Variants in ARHGAP23 observed in about 807,000 individuals in gnomAD.
The protein encoded by ARHGAP23 is rho GTPase-activating protein 23.
ARHGAP23 carries 34 observed loss-of-function variants against 136.3 expected under a neutral mutation model. That is an observed-to-expected ratio of 0.25 (90% CI 0.19 to 0.33). The LOEUF is 0.33. ARHGAP23 is among the 10% of genes least tolerant of loss of function. ARHGAP23 has a pLI of 1.00. For missense variants in ARHGAP23, 1,808 were observed against 2,139.0 expected (o/e 0.85, Z 3.05); for synonymous variants, 832 against 920.5 (o/e 0.90, Z 1.74).
In ARHGAP23 at chr17:38,482,134, G is replaced by A. The variant is rs1326026631; in HGVS notation, c.2742G>A (p.Thr914=). The change falls in exon 15 of 24, where the codon ACG becomes ACA. Residue 914 remains threonine, a synonymous_variant. Transcript: ENST00000622683. ...GVRLEECQPA[T]ENQRVPLIVA... ...GGCTGGAGGAGTGCCAGCCAGCCAC[G>A]GAGAACCAGGTGAGTCTCTGCCACA... 9.0e-6 allele frequency: 14 copies of A among 1,548,234 alleles called. No homozygotes were observed. Among genetic ancestry groups the A allele is most frequent in the South Asian group, 1.2e-5 (1 of 83,690 alleles).
At position 38,467,184 on chromosome 17, in the gene ARHGAP23, G is replaced by T. The variant is rs562257674; in HGVS notation, c.1501G>T (p.Val501Phe). Reference protein sequence around the residue: ...LRQKPPTGRKVQLTPARQMNL... With the variant: ...LRQKPPTGRKFQLTPARQMNL... ...GCAGAAGCCCCCGACGGGCCGCAAGGTTCAGCTGACCCCCGCAAGACAGAT... is the reference window on the plus strand; with the variant it reads ...GCAGAAGCCCCCGACGGGCCGCAAGTTTCAGCTGACCCCCGCAAGACAGAT... Residue 501 changes from valine (V) to phenylalanine (F), a missense_variant, in exon 7 of 24, where the codon GTT becomes TTT. Physicochemically the swap from Val to Phe is conservative, Grantham distance 50. Transcript: ENST00000622683. The T allele has an allele frequency of 6.6e-5, 103 of 1,550,422 alleles. No individual in the cohort carries two copies. Among genetic ancestry groups the T allele is most frequent in the African/African-American group, 1.6e-4 (12 of 73,066 alleles).
At chr17:38,495,383 C>T (rs1245115892) in intron 20 of ARHGAP23, among the ~76,000 whole-genome samples, 1 of 152,078 alleles carries the variant, frequency 6.6e-6, no homozygotes, top group Non-Finnish European at 1.5e-5. Flanking sequence ...TGGGTGCATG[C>T]CACCATGCCG....
At chr17:38,479,610 A>G in intron 13 of ARHGAP23, 113 bp downstream of exon 13, 2 of 1,424,034 alleles carry the variant, frequency 1.4e-6, no homozygotes, top group East Asian at 2.5e-5. Flanking sequence ...GGGAAGGGGT[A>G]TCCAGGGTCT....
upstream of ARHGAP23, among the ~76,000 whole-genome samples, chr17:38,428,189 C>G (rs555532910): frequency 8.5e-5 from 13 of 152,300 alleles, no homozygotes; most frequent in Admixed American, 1.3e-4. Context: ...CCTTAGAGGC[C>G]GGGCAAGCGT....
intron 21 of ARHGAP23, 80 bp downstream of exon 21, chr17:38,497,906 G>A (rs2040428978): frequency 7.0e-7 from 1 of 1,437,812 alleles, no homozygotes; most frequent in Non-Finnish European, 9.6e-7. Flanking sequence ...GCAGGCAGCG[G>A]GACTTAAGCC....
chr17:38,489,939 G>A (rs1464849835), intron 17 of ARHGAP23, 163 bp from the exon 18 acceptor site: 3 of 662,908 alleles, frequency 4.5e-6, no homozygotes, highest in African/African-American at 3.6e-5. Flanking sequence ...TGTGGTGAGT[G>A]CAGCTGTGGT....
chr17:38,479,014 G>A (rs2039967556), intron 12 of ARHGAP23, among the ~76,000 whole-genome samples: 1 of 152,210 alleles, frequency 6.6e-6, no homozygotes, highest in African/African-American at 2.4e-5. Flanking sequence ...GAAGGCACCT[G>A]GAATTTGGGC....
intron 1 of ARHGAP23, among the ~76,000 whole-genome samples, chr17:38,430,622 A>G (rs1230266086): frequency 6.6e-6 from 1 of 152,202 alleles, no homozygotes; most frequent in Non-Finnish European, 1.5e-5. Context: ...GGAAGAAGTT[A>G]CAGTGTGAGG....
At chr17:38,438,491 G>C (rs2038853459) in intron 1 of ARHGAP23, among the ~76,000 whole-genome samples, 1 of 152,076 alleles carries the variant, frequency 6.6e-6, no homozygotes, top group Non-Finnish European at 1.5e-5. Context: ...AGAGGGAGGA[G>C]GTCAGGTTGG....
upstream of ARHGAP23, among the ~76,000 whole-genome samples, chr17:38,427,018 G>A (rs1404826713): frequency 2.2e-4 from 34 of 152,222 alleles, no homozygotes; most frequent in Non-Finnish European, 2.9e-5. Flanking sequence ...TTTATCCTCC[G>A]CCTTCTTTTC....
In ARHGAP23 at chr17:38,466,429, A is replaced by C; in HGVS notation, c.746A>C (p.Gln249Pro). ...HLDNSSLGMS[Q>P]PRPSPGAFPH... ...GACAACTCTTCCTTGGGGATGAGCC[A>C]GCCCCGCCCCAGCCCTGGTGCCTTC... The change falls in exon 7 of 24, where the codon CAG (glutamine) becomes CCG (proline). Residue 249 changes from glutamine (Q) to proline (P), a missense_variant. By Grantham distance (76) the Gln-to-Pro change is moderately conservative. This residue lies in a region of ARHGAP23 where 859 missense variants were observed against 936.4 expected (regional missense o/e 0.92). Transcript: ENST00000622683. The C allele has an allele frequency of 6.5e-7, 1 of 1,527,242 alleles. No individual in the cohort carries two copies. Among genetic ancestry groups the C allele is most frequent in the Non-Finnish European group, 8.8e-7 (1 of 1,139,310 alleles). The allele number at this position is 1,527,242 out of a possible 1,614,324, so 94.6% of individuals were successfully genotyped here. A position where few individuals can be genotyped will look rare whatever the true frequency, so the allele number is the denominator to read the frequency against.
At chr17:38,459,716 T>C (rs2039413968) in intron 2 of ARHGAP23, among the ~76,000 whole-genome samples, 1 of 152,236 alleles carries the variant, frequency 6.6e-6, no homozygotes, top group Non-Finnish European at 1.5e-5. Flanking sequence ...GCCTTTGGCC[T>C]GGAGGCAGGA....
intron 1 of ARHGAP23, among the ~76,000 whole-genome samples, chr17:38,454,779 C>T (rs563766239): frequency 3.3e-5 from 5 of 152,320 alleles, no homozygotes; most frequent in African/African-American, 1.2e-4. Flanking sequence ...CCTCTTTATG[C>T]TCCCGGGGGG....
intron 17 of ARHGAP23, 101 bp from the exon 18 acceptor site, chr17:38,490,001 T>C: frequency 8.9e-7 from 1 of 1,128,118 alleles, no homozygotes; most frequent in Non-Finnish European, 1.3e-6. Flanking sequence ...GCCCCCGAAC[T>C]GGAGGAGTTC....
rs1597812302 is a variant in ARHGAP23 at position 38,477,525 on chromosome 17, G to A, written c.2119-54G>A. 2.5e-6 allele frequency: 3 copies of A among 1,204,610 alleles called. No individual in the cohort carries two copies. The highest frequency in any genetic ancestry group is 3.1e-6 in the Non-Finnish European group (3 of 965,136). 74.6% of individuals were successfully genotyped at this position (1,204,610 alleles called of 1,614,324 possible). On this transcript the variant is annotated intron_variant, in intron 11 of 23. Transcript: ENST00000622683. The surrounding 1 kb of genome is among the most constrained non-coding windows in gnomAD (Gnocchi z 6.6). ...CTGTCTGCTACTCTGAGAGCAGTGG[G>A]CAAAACTGGCCTCTCACCATTCCTG...
At chr17:38,497,181 A>G (rs986020977) in intron 20 of ARHGAP23, among the ~76,000 whole-genome samples, 2 of 152,214 alleles carry the variant, frequency 1.3e-5, no homozygotes, top group African/African-American at 4.8e-5. Flanking sequence ...ATTTTACAAA[A>G]TATATTAAAC....
Position 38,490,020 on chromosome 17 carries a change from G to A in ARHGAP23, c.2987-82G>A, listed in dbSNP as rs181216140. The A allele has an allele frequency of 2.2e-3, 3,106 of 1,381,692 alleles. 16 individuals are homozygous for A. Among genetic ancestry groups the A allele is most frequent in the Middle Eastern group, 0.017 (95 of 5,646 alleles). The allele number at this position is 1,381,692 out of a possible 1,614,324, so 85.6% of individuals were successfully genotyped here. A position where few individuals can be genotyped will look rare whatever the true frequency, so the allele number is the denominator to read the frequency against. On this transcript the variant is annotated intron_variant, in intron 17 of 23. Coordinates refer to ENST00000622683, the MANE Select transcript of ARHGAP23 (RefSeq NM_001199417.2). The stretch of plus-strand genomic sequence containing the variant: ...CCGAACTGGAGGAGTTCAAAACACA[G>A]CCCTCCCAGCAGGGCCCTTGGCCGG...
Position 38,479,735 on chromosome 17 carries a change from C to A in ARHGAP23, c.2499-18C>A, listed in dbSNP as rs1213155536. 1 of 1,466,704 alleles carries A rather than the reference C, an allele frequency of 6.8e-7. No individual in the cohort carries two copies. Among genetic ancestry groups the A allele is most frequent in the African/African-American group, 1.4e-5 (1 of 69,900 alleles). The allele number at this position is 1,466,704 out of a possible 1,614,324, so 90.9% of individuals were successfully genotyped here. A position where few individuals can be genotyped will look rare whatever the true frequency, so the allele number is the denominator to read the frequency against. On this transcript the variant is annotated intron_variant, in intron 13 of 23. Transcript: ENST00000622683. ...ACCCCAAATGAAGACCTCTCCTCTC[C>A]CCCTTTTTCCTACACAGCCATAGCT... is the stretch of plus-strand genomic sequence containing the variant.
At chr17:38,444,805 G>T (rs2038995355) in intron 1 of ARHGAP23, among the ~76,000 whole-genome samples, 1 of 150,360 alleles carries the variant, frequency 6.7e-6, no homozygotes, top group Non-Finnish European at 1.5e-5. Context: ...CTGTTCATTT[G>T]TTTCATCTTT....
Sources: gnomAD v4.1 joint callset for allele counts (sites outside exome capture counted in the v4.1 genomes callset) on GRCh38, gnomAD v4.1.1 for gene constraint, gnomAD v4.1.1 regional missense constraint, Gnocchi (gnomAD v3.1) non-coding constraint, MANE v1.5 for transcripts, NCBI Gene and HGNC (gene_info 2026-07-23, HGNC 2026-07-21) for gene names.